The following FKTN variants were observed in gnomAD, a reference collection of about 807,000 sequenced individuals.
The protein encoded by FKTN is fukutin, also known as ribitol-5-phosphate transferase FKTN.
FKTN carries 47 observed loss-of-function variants against 58.6 expected under a neutral mutation model. The ratio of observed to expected loss-of-function variants is 0.80; its 90% CI spans 0.63 to 1.02. FKTN has a LOEUF of 1.02. Among genes scored for constraint, FKTN ranks in the 50% least tolerant of loss-of-function variants. FKTN has a pLI of 0.00. For synonymous variants in FKTN, 178 were observed against 191.9 expected (o/e 0.93, Z 0.60); for missense variants, 516 against 537.3 (o/e 0.96, Z 0.39).
rs546228473 is a variant in FKTN at position 105,586,532 on chromosome 9, C to T, written c.106-10066C>T. ...GTATTTATTGATCACTCGTCTTACA[C>T]AGTGTACTTAGGAATACAGAGATAA... On this transcript the variant is annotated intron_variant, in intron 3 of 10. Coordinates refer to ENST00000357998, the MANE Select transcript of FKTN (RefSeq NM_001079802.2). Among the ~76,000 whole-genome samples the T allele has an allele frequency of 2.0e-5, 3 of 152,322 alleles. No individual in the cohort carries two copies. The South Asian group carries it at 6.2e-4, about 32-fold the overall frequency.
At chr9:105,604,713 G>C (rs1418748127) in intron 6 of FKTN, among the ~76,000 whole-genome samples, 1 of 152,132 alleles carries the variant, frequency 6.6e-6, no homozygotes, top group Non-Finnish European at 1.5e-5. Flanking sequence ...CCAGCACTTT[G>C]GGAGGCCGAG....
intron 1 of FKTN, among the ~76,000 whole-genome samples, chr9:105,561,834 A>G (rs1482696785): frequency 1.3e-5 from 2 of 152,230 alleles, no homozygotes; most frequent in Admixed American, 1.3e-4. Flanking sequence ...GAAATGGACA[A>G]TAAGAAAGAC....
In FKTN at chr9:105,637,789, G is replaced by T. The variant is rs1834144925; in HGVS notation, c.*2525G>T. On this transcript the variant is annotated 3_prime_UTR_variant, in exon 11 of 11. Coordinates refer to ENST00000357998, the MANE Select transcript of FKTN (RefSeq NM_001079802.2). ...TCTTAATTGATAACCAGGACAACCA[G>T]GTAGTCACCCAGTCCTCTCTAAGCA... is the stretch of plus-strand genomic sequence containing the variant. The T allele has an allele frequency of 1.0e-6, 1 of 985,198 alleles. No homozygotes were observed. The highest frequency in any genetic ancestry group is 1.7e-5 in the African/African-American group (1 of 57,214). 61.0% of individuals were successfully genotyped at this position (985,198 alleles called of 1,614,324 possible). A position where few individuals can be genotyped will look rare whatever the true frequency, so the allele number is the denominator to read the frequency against.
chr9:105,581,217 C>T (rs1209912101), intron 3 of FKTN, among the ~76,000 whole-genome samples: 35 of 149,784 alleles, frequency 2.3e-4, no homozygotes, highest in Non-Finnish European at 1.6e-4. Flanking sequence ...TGAGGAACTG[C>T]GTTCCTTTGT....
intron 3 of FKTN, among the ~76,000 whole-genome samples, chr9:105,579,474 CTT>C (rs915133322): frequency 4.6e-5 from 7 of 151,716 alleles, no homozygotes; most frequent in Non-Finnish European, 8.8e-5. Context: ...AGTTGAGCGG[CTT>C]TGAGTGAGTT....
At chr9:105,577,295 G>A (rs1381490327) in intron 3 of FKTN, among the ~76,000 whole-genome samples, 1 of 136,316 alleles carries the variant, frequency 7.3e-6, no homozygotes, top group Non-Finnish European at 1.6e-5. Context: ...GGTTTTTATG[G>A]TTTTAGGTCT....
intron 10 of FKTN, among the ~76,000 whole-genome samples, chr9:105,622,317 G>C (rs1832107002): frequency 6.6e-6 from 1 of 151,654 alleles, no homozygotes; most frequent in South Asian, 2.1e-4. Flanking sequence ...TAATAATATA[G>C]AATGCTTACT....
chr9:105,607,162 A>G (rs1829047907), intron 6 of FKTN, among the ~76,000 whole-genome samples: 1 of 152,096 alleles, frequency 6.6e-6, no homozygotes, highest in African/African-American at 2.4e-5. Flanking sequence ...ATTTTATATG[A>G]GTAGGAATGG....
intron 10 of FKTN, among the ~76,000 whole-genome samples, chr9:105,627,113 C>A (rs1303938386): frequency 6.6e-6 from 1 of 151,742 alleles, no homozygotes; most frequent in Non-Finnish European, 1.5e-5. Context: ...GCTGGAATTA[C>A]AGGCACATTC....
At position 105,574,929 on chromosome 9, in the gene FKTN, T is replaced by G. The variant is rs1229786594; in HGVS notation, c.-88-16T>G. The G allele has an allele frequency of 4.1e-6, 3 of 735,786 alleles. No individual in the cohort carries two copies. The African/African-American group carries it at 5.3e-5, about 13-fold the overall frequency. The allele number at this position is 735,786 out of a possible 1,614,324, so 45.6% of individuals were successfully genotyped here. A position where few individuals can be genotyped will look rare whatever the true frequency, so the allele number is the denominator to read the frequency against. ...AGAGGTTTTTGTTTCTTTAAAAATA[T>G]CTTTTTTGTTCACAGAAAACAAAAT... On this transcript the variant is annotated splice_polypyrimidine_tract_variant and intron_variant, in intron 2 of 10. Transcript: ENST00000357998.
At chr9:105,571,348 A>T (rs1207042660) in intron 1 of FKTN, among the ~76,000 whole-genome samples, 1 of 152,192 alleles carries the variant, frequency 6.6e-6, no homozygotes, top group Non-Finnish European at 1.5e-5. Context: ...GAATATTCCT[A>T]ATGAAGCGGT....
chr9:105,629,287 G>C (rs117314558), intron 10 of FKTN, among the ~76,000 whole-genome samples: 1 of 152,194 alleles, frequency 6.6e-6, no homozygotes, highest in African/African-American at 2.4e-5. Context: ...AAAAGGGTCT[G>C]AGATCACAGG....
At chr9:105,625,870 A>G (rs905642527) in intron 10 of FKTN, among the ~76,000 whole-genome samples, 2 of 151,982 alleles carry the variant, frequency 1.3e-5, no homozygotes, top group Non-Finnish European at 2.9e-5. Context: ...CACCCCAGAA[A>G]CCCATATCAT....
At chr9:105,560,252 A>T (rs1838043732) in intron 1 of FKTN, among the ~76,000 whole-genome samples, 1 of 152,210 alleles carries the variant, frequency 6.6e-6, no homozygotes, top group Non-Finnish European at 1.5e-5. Flanking sequence ...TAGCATCTAC[A>T]TCAGTGCTTT....
In FKTN at chr9:105,636,486, G is replaced by T. The variant is rs1331633564; in HGVS notation, c.*1222G>T. 1 of 1,002,188 alleles carries T rather than the reference G, an allele frequency of 1.0e-6. No homozygotes were observed. The highest frequency in any genetic ancestry group is 1.7e-5 in the African/African-American group (1 of 57,752). The allele number at this position is 1,002,188 out of a possible 1,614,324, so 62.1% of individuals were successfully genotyped here. On this transcript the variant is annotated 3_prime_UTR_variant, in exon 11 of 11. Transcript: ENST00000357998. ...TGAATGTCGATGGGGCAAGAACTCA[G>T]ACTTCTACTTTACCAAGTACCACAC...
intron 4 of FKTN, among the ~76,000 whole-genome samples, chr9:105,599,620 C>T (rs1827495493): frequency 6.6e-6 from 1 of 151,878 alleles, no homozygotes; most frequent in African/African-American, 2.4e-5. Flanking sequence ...TCTCCTGCCT[C>T]AGCCTCCTGA....
rs139437818 is a variant in FKTN at position 105,588,317 on chromosome 9, G to A, written c.106-8281G>A. 3.8e-4 allele frequency among the ~76,000 whole-genome samples: 58 copies of A among 152,094 alleles called. No individual in the cohort carries two copies. The East Asian group carries it at 6.0e-3, about 16-fold the overall frequency. ...CTGTTTACTCATTTATTCATTTCCC[G>A]TAAATTTTTACTCCAAATATCCCAT... is the stretch of plus-strand genomic sequence containing the variant. On this transcript the variant is annotated intron_variant, in intron 3 of 10. Transcript: ENST00000357998.
intron 3 of FKTN, among the ~76,000 whole-genome samples, chr9:105,582,778 A>G (rs903460455): frequency 6.6e-6 from 1 of 152,216 alleles, no homozygotes; most frequent in Non-Finnish European, 1.5e-5. Context: ...TTTGTTATAT[A>G]TTACAAAGTT....
At chr9:105,558,636 GAAA>G (rs562757053) in intron 1 of FKTN, among the ~76,000 whole-genome samples, 2 of 133,364 alleles carry the variant, frequency 1.5e-5, no homozygotes, top group Non-Finnish European at 1.6e-5. Context: ...GTCAGATGTG[GAAA>G]AAAAAAAAAA....
Sources: gnomAD v4.1 joint callset for allele counts (sites outside exome capture counted in the v4.1 genomes callset) on GRCh38, gnomAD v4.1.1 for gene constraint, MANE v1.5 for transcripts, NCBI Gene and HGNC (gene_info 2026-07-23, HGNC 2026-07-21) for gene names.